The following ROBO2 variants were observed in gnomAD, a reference collection of about 807,000 sequenced individuals.
The protein encoded by ROBO2 is roundabout guidance receptor 2, also known as roundabout homolog 2.
Under a neutral mutation model 160.8 loss-of-function variants are expected in ROBO2, and 53 were observed. The ratio of observed to expected loss-of-function variants is 0.33; its 90% confidence interval spans 0.26 to 0.41. ROBO2 has a LOEUF of 0.41. Ranked by LOEUF, ROBO2 falls within the 10% of genes least tolerant of loss-of-function variation. The pLI is 1.00. For missense variants in ROBO2, 1,577 were observed against 1,722.4 expected (o/e 0.92, Z 1.49); for synonymous variants, 664 against 611.7 (o/e 1.09, Z -1.26).
intron 1 of ROBO2, among the ~76,000 whole-genome samples, chr3:77,081,945 C>G (rs1396882614): frequency 6.6e-6 from 1 of 152,126 alleles, no homozygotes; most frequent in East Asian, 1.9e-4. Context: ...GAGAAATACC[C>G]TGCCCTCCAG....
intron 2 of ROBO2, among the ~76,000 whole-genome samples, chr3:76,550,487 G>A (rs766287063): frequency 1.3e-5 from 2 of 152,236 alleles, no homozygotes; most frequent in African/African-American, 4.8e-5. Flanking sequence ...CTGGAAAGGC[G>A]TGGCTGGGAC....
chr3:76,496,380 A>G (rs2080154795), intron 2 of ROBO2, among the ~76,000 whole-genome samples: 1 of 152,206 alleles, frequency 6.6e-6, no homozygotes. Flanking sequence ...TACCTTCACA[A>G]TGTTTCTAAA....
At chr3:76,953,167 G>A (rs995237754) in intron 2 of ROBO2, among the ~76,000 whole-genome samples, 1 of 152,152 alleles carries the variant, frequency 6.6e-6, no homozygotes, top group African/African-American at 2.4e-5. Flanking sequence ...GGTTGACTTT[G>A]CTAACCTCAG....
intron 2 of ROBO2, among the ~76,000 whole-genome samples, chr3:75,947,334 A>G (rs556577506): frequency 5.3e-5 from 8 of 152,296 alleles, no homozygotes; most frequent in Middle Eastern, 3.4e-3. Context: ...GCCTAAAGTC[A>G]TGAATCTAGG....
intron 2 of ROBO2, among the ~76,000 whole-genome samples, chr3:76,615,883 G>A (rs2088542513): frequency 6.6e-6 from 1 of 152,182 alleles, no homozygotes; most frequent in South Asian, 2.1e-4. Context: ...TTGGGATGAG[G>A]AGTCAGAGGC....
chr3:77,251,696 G>C (rs1337293166), intron 2 of ROBO2, among the ~76,000 whole-genome samples: 2 of 151,992 alleles, frequency 1.3e-5, no homozygotes, highest in African/African-American at 4.8e-5. Flanking sequence ...ATTGAATCAC[G>C]GGGGCGGTCT....
chr3:76,595,192 T>C (rs1485721994), intron 2 of ROBO2, among the ~76,000 whole-genome samples: 3 of 152,044 alleles, frequency 2.0e-5, no homozygotes, highest in African/African-American at 7.2e-5. Flanking sequence ...ATAATATCTG[T>C]GGTATTCTGT....
At chr3:76,434,420 G>C in intron 2 of ROBO2, 8 of 1,568,762 alleles carry the variant, frequency 5.1e-6, no homozygotes, top group East Asian at 2.2e-5. Flanking sequence ...CCAGGCCCTG[G>C]GCTGGGTGGC....
chr3:77,379,668 G>C (rs1025220007), intron 2 of ROBO2, among the ~76,000 whole-genome samples: 1 of 152,122 alleles, frequency 6.6e-6, no homozygotes, highest in African/African-American at 2.4e-5. Context: ...TGTGAATCAA[G>C]TCTGTGATAT....
chr3:77,284,061 AAAC>A (rs1472772549), intron 2 of ROBO2, among the ~76,000 whole-genome samples: 1 of 152,144 alleles, frequency 6.6e-6, no homozygotes, highest in Non-Finnish European at 1.5e-5. Context: ...AGGGGTCAGA[AAAC>A]AACAACAGCT....
intron 2 of ROBO2, among the ~76,000 whole-genome samples, chr3:76,501,973 A>G (rs1334052160): frequency 6.6e-6 from 1 of 151,678 alleles, no homozygotes; most frequent in Non-Finnish European, 1.5e-5. Flanking sequence ...GAAAGTTTTC[A>G]AAACTACTCA....
intron 2 of ROBO2, among the ~76,000 whole-genome samples, chr3:77,293,650 T>A (rs2061608145): frequency 7.3e-6 from 1 of 137,164 alleles, no homozygotes; most frequent in African/African-American, 3.0e-5. Flanking sequence ...TGAGGCTAGA[T>A]CACCCAGACA....
chr3:76,515,057 C>T (rs1239004982), intron 2 of ROBO2, among the ~76,000 whole-genome samples: 3 of 152,128 alleles, frequency 2.0e-5, no homozygotes, highest in Non-Finnish European at 4.4e-5. Flanking sequence ...TTCAGAATTG[C>T]CCTGTGCTGT....
At chr3:76,166,875 G>A (rs1486064960) in intron 2 of ROBO2, among the ~76,000 whole-genome samples, 1 of 152,118 alleles carries the variant, frequency 6.6e-6, no homozygotes. Flanking sequence ...GGCCTGACAT[G>A]TGCACTTATT....
intron 10 of ROBO2, 136 bp downstream of exon 11, chr3:77,562,868 T>A: frequency 1.3e-6 from 1 of 743,176 alleles, no homozygotes; most frequent in Non-Finnish European, 2.4e-6. Context: ...TGCCATTTTT[T>A]AATTCATGCA....
At chr3:76,123,910 G>C (rs2070857281) in intron 2 of ROBO2, among the ~76,000 whole-genome samples, 2 of 151,590 alleles carry the variant, frequency 1.3e-5, no homozygotes, top group African/African-American at 4.8e-5. Context: ...TTTCTTTCTT[G>C]CTTTTTTGAA....
intron 2 of ROBO2, among the ~76,000 whole-genome samples, chr3:75,998,994 T>A (rs1013423828): frequency 2.9e-4 from 44 of 152,178 alleles, no homozygotes; most frequent in African/African-American, 1.0e-3. Context: ...TGTTAATATG[T>A]CCTCAAGTAT....
intron 2 of ROBO2, among the ~76,000 whole-genome samples, chr3:77,013,128 C>A (rs2062017126): frequency 1.3e-5 from 2 of 152,026 alleles, no homozygotes; most frequent in Admixed American, 1.3e-4. Flanking sequence ...TAGCTTTAAG[C>A]ATTAGCCAAT....
At chr3:76,525,499 G>C (rs1036481774) in intron 2 of ROBO2, among the ~76,000 whole-genome samples, 1 of 151,930 alleles carries the variant, frequency 6.6e-6, no homozygotes, top group African/African-American at 2.4e-5. Flanking sequence ...TGCATTTTCT[G>C]TGTAAGTAAT....
Sources: allele counts gnomAD v4.1 joint callset (sites outside exome capture counted in the v4.1 genomes callset), GRCh38; gene constraint gnomAD v4.1.1; transcripts MANE v1.5; gene names NCBI Gene and HGNC (gene_info 2026-07-23, HGNC 2026-07-21).